The following MYO5C variants were observed in gnomAD, a reference collection of about 807,000 sequenced individuals.
MYO5C encodes the protein unconventional myosin-Vc.
In MYO5C, 194 loss-of-function variants were observed where a neutral mutation model predicts 235.7. The observed-to-expected ratio is 0.82, with a 90% CI of 0.73 to 0.93. The LOEUF (loss-of-function observed/expected upper bound fraction) is 0.93. Among genes scored for constraint, MYO5C ranks in the 40% least tolerant of loss-of-function variants. The pLI, the probability that MYO5C is intolerant of heterozygous loss-of-function variation, is 0.00. For synonymous variants in MYO5C, 707 were observed against 754.8 expected (o/e 0.94, Z 1.04); for missense variants, 2,038 against 2,127.2 (o/e 0.96, Z 0.82).
intron 7 of MYO5C, 57 bp downstream of exon 7, chr15:52,271,706 C>A: frequency 1.0e-6 from 1 of 1,000,776 alleles, no homozygotes; most frequent in East Asian, 2.7e-5. Flanking sequence ...GAAAGTTAAC[C>A]TAGAATTTAA....
Position 52,245,412 on chromosome 15 carries a change from T to C in MYO5C, c.2120A>G (p.Glu707Gly). The change falls in exon 18 of 41, where the codon GAG (glutamate) becomes GGG (glycine). Residue 707 changes from glutamate to glycine, a missense_variant. Glu to Gly is a moderately conservative substitution (Grantham distance 98). Transcript: ENST00000261839. ...SRYGILMTKQ[E>G]LSFSDKKEVC... ...CTCCTTTTTATCGCTGAAGGAAAGCTCTTGCTTGGTCATGAGAATGCCGTA... is the reference window on the plus strand; with the variant it reads ...CTCCTTTTTATCGCTGAAGGAAAGCCCTTGCTTGGTCATGAGAATGCCGTA... 1.2e-6 allele frequency: 2 copies of C among 1,614,104 alleles called. No individual in the cohort carries two copies. The highest frequency in any genetic ancestry group is 1.7e-6 in the Non-Finnish European group (2 of 1,180,012).
At chr15:52,208,460 G>C in intron 36 of MYO5C, 94 bp downstream of exon 36, 1 of 1,114,206 alleles carries the variant, frequency 9.0e-7, no homozygotes, top group South Asian at 1.4e-5. Context: ...TGGCCTCCTG[G>C]TGGAGAGGAT....
At chr15:52,227,512 G>A (rs10851509) in intron 25 of MYO5C, among the ~76,000 whole-genome samples, 147,987 of 152,084 alleles carry the variant, frequency 0.97, 72,133 homozygotes, top group East Asian at 1. Flanking sequence ...TAATCTTAAT[G>A]GATCACATTG....
At chr15:52,286,309 G>A (rs1459761005) in intron 1 of MYO5C, among the ~76,000 whole-genome samples, 3 of 150,010 alleles carry the variant, frequency 2.0e-5, no homozygotes, top group African/African-American at 7.4e-5. Context: ...CCGTCCGGGA[G>A]GGAGGTGGGG....
At chr15:52,240,908 C>T (rs1244344765) in intron 20 of MYO5C, among the ~76,000 whole-genome samples, 1 of 152,164 alleles carries the variant, frequency 6.6e-6, no homozygotes, top group African/African-American at 2.4e-5. Context: ...AACTTTTGTC[C>T]TATCTCAACC....
chr15:52,259,998 A>G (rs903928978), intron 10 of MYO5C, among the ~76,000 whole-genome samples: 8 of 152,236 alleles, frequency 5.3e-5, no homozygotes, highest in African/African-American at 1.9e-4. Flanking sequence ...TCATGGGTCA[A>G]TCTTCCCCTT....
At chr15:52,200,969 T>G (rs2035173657) in intron 38 of MYO5C, among the ~76,000 whole-genome samples, 1 of 152,106 alleles carries the variant, frequency 6.6e-6, no homozygotes, top group South Asian at 2.1e-4. Flanking sequence ...TTGAAAGGAT[T>G]AACAGAGATT....
intron 4 of MYO5C, among the ~76,000 whole-genome samples, chr15:52,278,507 C>G (rs2037096822): frequency 6.6e-6 from 1 of 151,938 alleles, no homozygotes; most frequent in Non-Finnish European, 1.5e-5. Flanking sequence ...AGCTAAAAAC[C>G]CTGTCATCAG....
rs965971455 is a variant in MYO5C at position 52,224,284 on chromosome 15, GAAACA to G, written c.3447-565_3447-561del. Among the ~76,000 whole-genome samples, 275 of 152,224 alleles carry G rather than the reference GAAACA, an allele frequency of 1.8e-3. 1 individual carries two copies. The highest frequency in any genetic ancestry group is 6.4e-3 in the African/African-American group (265 of 41,534). Reference sequence around the variant, plus strand: ...GGTAACAGAGCGAGACTCCATCTCAGAAACAAAACAAAACAAAACATGTTCTGTAT... The same window carrying G: ...GGTAACAGAGCGAGACTCCATCTCAGAAACAAAACAAAACATGTTCTGTAT... On this transcript the variant is annotated intron_variant, in intron 28 of 40. Coordinates refer to ENST00000261839, the MANE Select transcript of MYO5C (RefSeq NM_018728.4).
chr15:52,253,433 C>A lies in MYO5C; in HGVS notation c.1420G>T (p.Glu474Ter). 1 of 1,613,078 alleles carries A rather than the reference C, an allele frequency of 6.2e-7. No individual in the cohort carries two copies. Among genetic ancestry groups the A allele is most frequent in the Non-Finnish European group, 8.5e-7 (1 of 1,179,698 alleles). ...CAAGGTATATCTTCCTTCATGTATT[C>A]TTCTTGTTCCAGTTTGAAGACATGC... is the stretch of plus-strand genomic sequence containing the variant. ...NMHVFKLEQE[E>*]YMKEDIPWTL... Residue 474 changes from glutamate to a stop codon, truncating the protein, a stop_gained, in exon 12 of 41, where the codon GAA becomes TAA. Transcript: ENST00000261839. LOFTEE classifies it high-confidence loss of function.
At chr15:52,203,387 G>C (rs539279871) in intron 38 of MYO5C, among the ~76,000 whole-genome samples, 5 of 151,614 alleles carry the variant, frequency 3.3e-5, no homozygotes, top group African/African-American at 1.2e-4. Context: ...TTGCTCTGTC[G>C]CCCAGGTTGG....
intron 33 of MYO5C, 21 bp downstream of exon 33, chr15:52,214,582 A>G (rs770994090): frequency 6.5e-7 from 1 of 1,544,778 alleles, no homozygotes. Context: ...AAAGAATAAG[A>G]AAACAAGTAT....
At chr15:52,280,498 C>G (rs2140858746) in intron 2 of MYO5C, among the ~76,000 whole-genome samples, 1 of 152,380 alleles carries the variant, frequency 6.6e-6, no homozygotes, top group South Asian at 2.1e-4. Flanking sequence ...TCCTACACTC[C>G]CATTTCACCG....
intron 1 of MYO5C, among the ~76,000 whole-genome samples, chr15:52,292,598 CCTAG>C (rs1466441084): frequency 6.6e-6 from 1 of 152,232 alleles, no homozygotes; most frequent in Non-Finnish European, 1.5e-5. Context: ...TCTCCATGGT[CCTAG>C]CTATTTCTGT....
chr15:52,212,182 G>A (rs2035456780), intron 34 of MYO5C, among the ~76,000 whole-genome samples: 1 of 152,114 alleles, frequency 6.6e-6, no homozygotes, highest in African/African-American at 2.4e-5. Context: ...GACCCCCATT[G>A]TAAGAAAGAA....
chr15:52,283,788 G>A (rs189301586), intron 1 of MYO5C, among the ~76,000 whole-genome samples: 1 of 151,960 alleles, frequency 6.6e-6, no homozygotes, highest in Non-Finnish European at 1.5e-5. Flanking sequence ...TGATTCTCCT[G>A]CCTCAGCCTC....
At chr15:52,252,603 G>A (rs1278622546) in intron 12 of MYO5C, among the ~76,000 whole-genome samples, 6 of 151,920 alleles carry the variant, frequency 3.9e-5, no homozygotes, top group East Asian at 1.9e-4. Flanking sequence ...GTGAAACCCC[G>A]TCTCTACCAA....
chr15:52,272,284 A>G (rs1287875153), intron 6 of MYO5C, among the ~76,000 whole-genome samples: 2 of 152,178 alleles, frequency 1.3e-5, no homozygotes, highest in Non-Finnish European at 2.9e-5. Context: ...AGCCTATTTC[A>G]AACAGTTTTC....
chr15:52,293,459 C>G (rs2037436011), intron 1 of MYO5C, among the ~76,000 whole-genome samples: 1 of 152,124 alleles, frequency 6.6e-6, no homozygotes, highest in South Asian at 2.1e-4. Flanking sequence ...CTGCAAGGCA[C>G]CTTCCCTTGG....
Sources: gnomAD v4.1 joint callset for allele counts (sites outside exome capture counted in the v4.1 genomes callset) on GRCh38, gnomAD v4.1.1 for gene constraint, MANE v1.5 for transcripts, NCBI Gene and HGNC (gene_info 2026-07-23, HGNC 2026-07-21) for gene names.